Variants in CAMKMT observed in about 807,000 individuals in gnomAD.
CAMKMT encodes the protein calmodulin-lysine N-methyltransferase, also known as CaM KMT.
In CAMKMT, 53 loss-of-function variants were observed where a neutral mutation model predicts 48.0. The observed-to-expected ratio is 1.10, with a 90% CI of 0.89 to 1.39. The LOEUF (loss-of-function observed/expected upper bound fraction) is 1.39. Ranked by LOEUF, CAMKMT falls within the 40% of genes most tolerant of loss-of-function variation. The pLI, the probability that CAMKMT is intolerant of heterozygous loss-of-function variation, is 0.00. For synonymous variants in CAMKMT, 165 were observed against 152.3 expected, an observed-to-expected ratio of 1.08 and a Z score of -0.61; for missense variants, 428 against 402.7, an observed-to-expected ratio of 1.06 and a Z score of -0.54.
At chr2:44,531,401 G>A (rs1437709056) in intron 3 of CAMKMT, among the ~76,000 whole-genome samples, 1 of 152,012 alleles carries the variant, frequency 6.6e-6, no homozygotes, top group African/African-American at 2.4e-5. Context: ...CCATTTTAAG[G>A]ACTTCTTTGT....
At chr2:44,662,614 T>TG (rs1385794596) in intron 3 of CAMKMT, among the ~76,000 whole-genome samples, 1 of 152,204 alleles carries the variant, frequency 6.6e-6, no homozygotes, top group Non-Finnish European at 1.5e-5. Flanking sequence ...TTTTTAGATA[T>TG]GGGGGTCTCA....
intron 9 of CAMKMT, among the ~76,000 whole-genome samples, chr2:44,760,189 G>A (rs1680559456): frequency 6.6e-6 from 1 of 152,168 alleles, no homozygotes; most frequent in African/African-American, 2.4e-5. Context: ...AGCACCAAGA[G>A]TGACTGCCTG....
intron 3 of CAMKMT, among the ~76,000 whole-genome samples, chr2:44,590,479 G>T (rs1411869176): frequency 6.6e-6 from 1 of 152,152 alleles, no homozygotes; most frequent in African/African-American, 2.4e-5. Context: ...TCTCATTGTG[G>T]TTTTGATTTG....
chr2:44,596,994 A>C (rs1055059005), intron 3 of CAMKMT, among the ~76,000 whole-genome samples: 25 of 152,218 alleles, frequency 1.6e-4, no homozygotes, highest in Non-Finnish European at 4.4e-5. Context: ...TTAGCTGTTA[A>C]ATTTTGGAAT....
rs1674189889 is a variant in CAMKMT at position 44,653,200 on chromosome 2, TTAAAGCA to T, written c.377-51082_377-51076del. On this transcript the variant is annotated intron_variant, in intron 3 of 10. Transcript: ENST00000378494. This position sits in a 1 kb window ranked among gnomAD's most constrained non-coding sequence, Gnocchi z 5.2. ...TCACTTCACTAGCTCGTGAGCTCCTTTAAAGCAAGGGACATCTCCTCTGCTTTTAATA... is the reference window on the plus strand; with the variant it reads ...TCACTTCACTAGCTCGTGAGCTCCTTAGGGACATCTCCTCTGCTTTTAATA... Among the ~76,000 whole-genome samples the T allele has an allele frequency of 6.6e-6, 1 of 152,186 alleles. No individual in the cohort carries two copies. The highest frequency in any genetic ancestry group is 1.9e-4 in the East Asian group (1 of 5,192).
At chr2:44,567,362 G>T (rs1165015421) in intron 3 of CAMKMT, among the ~76,000 whole-genome samples, 2 of 152,114 alleles carry the variant, frequency 1.3e-5, no homozygotes, top group African/African-American at 4.8e-5. Flanking sequence ...ATCTCTGCAT[G>T]GACGTGATCT....
chr2:44,557,657 GA>G (rs999752813), intron 3 of CAMKMT, among the ~76,000 whole-genome samples: 23 of 151,950 alleles, frequency 1.5e-4, no homozygotes, highest in African/African-American at 4.8e-4. Flanking sequence ...AGAAGCTTGA[GA>G]AAAAAAGGTT....
chr2:44,579,794 C>T (rs899090667), intron 3 of CAMKMT, among the ~76,000 whole-genome samples: 3 of 152,170 alleles, frequency 2.0e-5, no homozygotes, highest in Non-Finnish European at 4.4e-5. Flanking sequence ...CTGGGTGCAG[C>T]TGGGGGATGT....
intron 2 of CAMKMT, among the ~76,000 whole-genome samples, chr2:44,378,086 A>G (rs1679875842): frequency 6.6e-6 from 1 of 152,222 alleles, no homozygotes; most frequent in Non-Finnish European, 1.5e-5. Context: ...TAGTAGTGAT[A>G]TTAACAACAG....
chr2:44,403,822 C>A (rs548310974), intron 3 of CAMKMT, among the ~76,000 whole-genome samples: 33 of 152,260 alleles, frequency 2.2e-4, no homozygotes, highest in African/African-American at 7.7e-4. Flanking sequence ...CTTGTCAAAT[C>A]TACACTAGAA....
At chr2:44,366,004 G>T (rs78609721) in intron 1 of CAMKMT, among the ~76,000 whole-genome samples, 7,300 of 152,266 alleles carry the variant, frequency 0.048, 256 homozygotes, top group South Asian at 0.13. Context: ...TTTTCTGAGT[G>T]TCAAATCTTT....
At chr2:44,715,780 A>C (rs190612207) in intron 7 of CAMKMT, among the ~76,000 whole-genome samples, 324 of 152,190 alleles carry the variant, frequency 2.1e-3, no homozygotes, top group Non-Finnish European at 4.1e-3. Context: ...GAATGTTGCT[A>C]CTGGCATCTA....
chr2:44,675,086 A>G (rs492996), intron 3 of CAMKMT, among the ~76,000 whole-genome samples: 62,560 of 122,742 alleles, frequency 0.51, 14,054 homozygotes, highest in Non-Finnish European at 0.58. Flanking sequence ...TAAGGGGGGG[A>G]AAAAAAAAAA....
intron 3 of CAMKMT, among the ~76,000 whole-genome samples, chr2:44,558,428 T>C (rs145195287): frequency 2.8e-4 from 43 of 152,284 alleles, no homozygotes; most frequent in Middle Eastern, 3.4e-3. Flanking sequence ...AATTTACATA[T>C]ATGGGAATAT....
intron 3 of CAMKMT, among the ~76,000 whole-genome samples, chr2:44,633,500 A>C (rs555103943): frequency 6.6e-6 from 1 of 151,970 alleles, no homozygotes; most frequent in South Asian, 2.1e-4. Flanking sequence ...AGTTTCTATC[A>C]CTCTTACCAA....
At chr2:44,377,286 CG>C (rs1679798153) in intron 2 of CAMKMT, among the ~76,000 whole-genome samples, 1 of 152,066 alleles carries the variant, frequency 6.6e-6, no homozygotes, top group African/African-American at 2.4e-5. Flanking sequence ...GGATTACAGG[CG>C]TAAGCCACTA....
chr2:44,551,505 C>T (rs1667714988), intron 3 of CAMKMT, among the ~76,000 whole-genome samples: 1 of 152,142 alleles, frequency 6.6e-6, no homozygotes, highest in Non-Finnish European at 1.5e-5. Flanking sequence ...GTAGTTTTAT[C>T]AAGGTCACCT....
At chr2:44,586,013 A>C (rs558633523) in intron 3 of CAMKMT, among the ~76,000 whole-genome samples, 4 of 152,214 alleles carry the variant, frequency 2.6e-5, no homozygotes. Context: ...AAAACATTCT[A>C]AATATACAAG....
At chr2:44,410,068 A>G (rs1683083104) in intron 3 of CAMKMT, among the ~76,000 whole-genome samples, 2 of 151,638 alleles carry the variant, frequency 1.3e-5, no homozygotes, top group African/African-American at 4.8e-5. Flanking sequence ...TGTTTTCTTT[A>G]TGTAGCATGG....
Sources: gnomAD v4.1 joint callset for allele counts (sites outside exome capture counted in the v4.1 genomes callset) on GRCh38, gnomAD v4.1.1 for gene constraint, Gnocchi (gnomAD v3.1) non-coding constraint, MANE v1.5 for transcripts, NCBI Gene and HGNC (gene_info 2026-07-23, HGNC 2026-07-21) for gene names.